The following ZFAND5 variants were observed in gnomAD, a reference collection of about 807,000 sequenced individuals.
ZFAND5 encodes zinc finger AN1-type containing 5.
In ZFAND5, 4 loss-of-function variants were observed where a neutral mutation model predicts 23.6. That is an observed-to-expected ratio of 0.17 (90% CI 0.08 to 0.39). The LOEUF (loss-of-function observed/expected upper bound fraction) is 0.39. Among genes scored for constraint, ZFAND5 ranks in the 10% least tolerant of loss-of-function variants. ZFAND5 has a pLI of 1.00. For synonymous variants in ZFAND5, 68 were observed against 80.6 expected (o/e 0.84, Z 0.84); for missense variants, 161 against 253.7 (o/e 0.63, Z 2.48).
Position 72,355,835 on chromosome 9 carries a change from A to G in ZFAND5, c.*118T>C, listed in dbSNP as rs950773061. 1.1e-6 allele frequency: 1 copy of G among 912,458 alleles called. No individual in the cohort carries two copies. Among genetic ancestry groups the G allele is most frequent in the Non-Finnish European group, 1.6e-6 (1 of 616,194 alleles). The allele number at this position is 912,458 out of a possible 1,614,324, so 56.5% of individuals were successfully genotyped here. A position where few individuals can be genotyped will look rare whatever the true frequency, so the allele number is the denominator to read the frequency against. ...TAAAATATCAATTATAAGACAGACA[A>G]GTGTAATGTAAAACTCTGGAGAACA... On this transcript the variant is annotated 3_prime_UTR_variant, in exon 7 of 7. Coordinates refer to ENST00000376962, the MANE Select transcript of ZFAND5 (RefSeq NM_001102420.3).
At position 72,355,317 on chromosome 9, in the gene ZFAND5, T is replaced by C. The variant is rs1477068037; in HGVS notation, c.*636A>G. On this transcript the variant is annotated 3_prime_UTR_variant, in exon 7 of 7. Transcript: ENST00000376962. ...GTTATCTCAAGACCCTGTTGTTGGC[T>C]TGATGGTTTTACTTATAACCAGTTT... 6.6e-6 allele frequency: 1 copy of C among 152,666 alleles called. No individual in the cohort carries two copies. The highest frequency in any genetic ancestry group is 1.5e-5 in the Non-Finnish European group (1 of 68,060). The allele number at this position is 152,666 out of a possible 1,614,324, so 9.5% of individuals were successfully genotyped here.
At chr9:72,362,186 T>C (rs551439018) in intron 2 of ZFAND5, among the ~76,000 whole-genome samples, 11 of 152,352 alleles carry the variant, frequency 7.2e-5, no homozygotes, top group African/African-American at 2.2e-4. Context: ...CACTGTCTCT[T>C]TAAATATTAA....
In ZFAND5 at chr9:72,352,448, G is replaced by GAT. The variant is rs1314079269; in HGVS notation, c.*3503_*3504dup. 4 of 152,294 alleles carry GAT rather than the reference G, an allele frequency of 2.6e-5. No homozygotes were observed. The East Asian group carries it at 5.8e-4, about 22-fold the overall frequency. 9.4% of individuals were successfully genotyped at this position (152,294 alleles called of 1,614,324 possible). ...ATGTATGTGTGCCTTTGAAATGGAG[G>GAT]ATATGGGACAGCTTGAGAGGCTTTG... is the stretch of plus-strand genomic sequence containing the variant. On this transcript the variant is annotated 3_prime_UTR_variant, in exon 7 of 7. Coordinates refer to ENST00000376962, the MANE Select transcript of ZFAND5 (RefSeq NM_001102420.3).
chr9:72,364,437 G>T lies in ZFAND5; in HGVS notation c.-147+259C>A, dbSNP rs369018336. 120 of 1,266,738 alleles carry T rather than the reference G, an allele frequency of 9.5e-5. 1 individual carries two copies. In the East Asian group the frequency reaches 2.7e-3, roughly 28 times the overall value. 78.5% of individuals were successfully genotyped at this position (1,266,738 alleles called of 1,614,324 possible). A position where few individuals can be genotyped will look rare whatever the true frequency, so the allele number is the denominator to read the frequency against. ...GCCTAGAGGCCGGCCCCGCAGAGGC[G>T]GCACGCCGTGCATTGTTTCCCGACC... On this transcript the variant is annotated intron_variant, in intron 1 of 6. Coordinates refer to ENST00000376962, the MANE Select transcript of ZFAND5 (RefSeq NM_001102420.3).
Position 72,363,574 on chromosome 9 carries a change from T to A in ZFAND5, c.-114A>T, listed in dbSNP as rs1842163812. The stretch of plus-strand genomic sequence containing the variant: ...TCAGTTCCCTCTTTGCCAAATGGAG[T>A]AGAATTGACTTTTAAAGGCTCCTTT... On this transcript the variant is annotated 5_prime_UTR_variant, in exon 2 of 7. Coordinates refer to ENST00000376962, the MANE Select transcript of ZFAND5 (RefSeq NM_001102420.3). 1.1e-6 allele frequency: 1 copy of A among 946,918 alleles called. No individual in the cohort carries two copies. Among genetic ancestry groups the A allele is most frequent in the Non-Finnish European group, 1.3e-6 (1 of 794,896 alleles). 58.7% of individuals were successfully genotyped at this position (946,918 alleles called of 1,614,324 possible).
Position 72,355,593 on chromosome 9 carries a change from G to A in ZFAND5, c.*360C>T, listed in dbSNP as rs1841921382. ...ATACAGGCACATAACACTAGCCAAA[G>A]ATTATACCTTGATTACATTCCCAAA... On this transcript the variant is annotated 3_prime_UTR_variant, in exon 7 of 7. Transcript: ENST00000376962. The A allele has an allele frequency of 6.2e-6, 1 of 160,828 alleles. No homozygotes were observed. Among genetic ancestry groups the A allele is most frequent in the South Asian group, 1.8e-4 (1 of 5,580 alleles). The allele number at this position is 160,828 out of a possible 1,614,324, so 10.0% of individuals were successfully genotyped here.
intron 2 of ZFAND5, among the ~76,000 whole-genome samples, chr9:72,363,076 C>T (rs1275374227): frequency 6.6e-6 from 1 of 152,050 alleles, no homozygotes; most frequent in Admixed American, 6.5e-5. Flanking sequence ...ATAGTCAAAG[C>T]TAAAATGGTC....
chr9:72,356,418 C>A (rs1477064299), intron 6 of ZFAND5, among the ~76,000 whole-genome samples: 1 of 152,182 alleles, frequency 6.6e-6, no homozygotes, highest in Non-Finnish European at 1.5e-5. Flanking sequence ...GGGCTATCTG[C>A]CAGCTAATTT....
chr9:72,354,610 G>A lies in ZFAND5; in HGVS notation c.*1343C>T, dbSNP rs1407822336. On this transcript the variant is annotated 3_prime_UTR_variant, in exon 7 of 7. Coordinates refer to ENST00000376962, the MANE Select transcript of ZFAND5 (RefSeq NM_001102420.3). ...GGTACATAAAATTGAAAGCAAAACT[G>A]AATGCTTTAAGAATAAAAGTAAAAA... 1 of 152,586 alleles carries A rather than the reference G, an allele frequency of 6.6e-6. No homozygotes were observed. The highest frequency in any genetic ancestry group is 1.5e-5 in the Non-Finnish European group (1 of 68,036). The allele number at this position is 152,586 out of a possible 1,614,324, so 9.5% of individuals were successfully genotyped here. A position where few individuals can be genotyped will look rare whatever the true frequency, so the allele number is the denominator to read the frequency against.
At chr9:72,356,131 A>G (rs751375825) in intron 6 of ZFAND5, 30 bp from the exon 7 acceptor site, 1 of 1,586,114 alleles carries the variant, frequency 6.3e-7, no homozygotes, top group Non-Finnish European at 8.5e-7. Context: ...GAGTCATTTG[A>G]GAACTTGAGG....
rs149244706 is a variant in ZFAND5, at chr9:72,352,562, A to G, written c.*3391T>C. 9.8e-5 allele frequency: 15 copies of G among 152,360 alleles called. No individual in the cohort carries two copies. The highest frequency in any genetic ancestry group is 3.6e-4 in the African/African-American group (15 of 41,584). The allele number at this position is 152,360 out of a possible 1,614,324, so 9.4% of individuals were successfully genotyped here. ...GTATGCTTAACATCTTGCTATTATT[A>G]GATTATTTCCCCAATTTTAGTTATT... On this transcript the variant is annotated 3_prime_UTR_variant, in exon 7 of 7. Transcript: ENST00000376962.
At chr9:72,359,330 C>T in intron 5 of ZFAND5, 88 bp downstream of exon 5, 1 of 1,312,898 alleles carries the variant, frequency 7.6e-7, no homozygotes, top group Non-Finnish European at 1.1e-6. Flanking sequence ...CCTCTTTGGT[C>T]CTTCAATGGG....
chr9:72,358,656 TAATAC>T (rs1181602756), intron 5 of ZFAND5, among the ~76,000 whole-genome samples: 1 of 152,128 alleles, frequency 6.6e-6, no homozygotes, highest in African/African-American at 2.4e-5. Context: ...TTTGTAAGAT[TAATAC>T]AATAAACAAA....
intron 5 of ZFAND5, among the ~76,000 whole-genome samples, chr9:72,358,525 C>T (rs1842007218): frequency 6.6e-6 from 1 of 151,958 alleles, no homozygotes; most frequent in Non-Finnish European, 1.5e-5. Flanking sequence ...AAACCAAAAC[C>T]AAAAACAAAA....
chr9:72,356,151 G>GA (rs749608269), intron 6 of ZFAND5, 50 bp from the exon 7 acceptor site: 50 of 1,569,452 alleles, frequency 3.2e-5, no homozygotes, highest in Non-Finnish European at 3.7e-5. Context: ...GCAATTAAAA[G>GA]AAAAAAAAGC....
In ZFAND5 at chr9:72,354,744, T is replaced by G. The variant is rs973953820; in HGVS notation, c.*1209A>C. The G allele has an allele frequency of 6.6e-6, 1 of 152,446 alleles. No homozygotes were observed. Among genetic ancestry groups the G allele is most frequent in the Non-Finnish European group, 1.5e-5 (1 of 68,034 alleles). The allele number at this position is 152,446 out of a possible 1,614,324, so 9.4% of individuals were successfully genotyped here. A position where few individuals can be genotyped will look rare whatever the true frequency, so the allele number is the denominator to read the frequency against. ...AACACTAACTATACTCATTTATATA[T>G]AAAAAACACAAGTTTCATACATCAC... On this transcript the variant is annotated 3_prime_UTR_variant, in exon 7 of 7. Coordinates refer to ENST00000376962, the MANE Select transcript of ZFAND5 (RefSeq NM_001102420.3).
At chr9:72,356,224 CT>C in intron 6 of ZFAND5, 123 bp from the exon 7 acceptor site, 1 of 1,194,410 alleles carries the variant, frequency 8.4e-7, no homozygotes, top group Non-Finnish European at 1.2e-6. Context: ...ACAGTGAACT[CT>C]TTTCTTCCAC....
At chr9:72,360,384 C>A in intron 3 of ZFAND5, 163 bp from the exon 4 acceptor site, 1 of 826,636 alleles carries the variant, frequency 1.2e-6, no homozygotes, top group Non-Finnish European at 1.9e-6. Context: ...ATTAAAAAGT[C>A]AATCCAATGA....
chr9:72,358,254 A>G (rs897632624), intron 5 of ZFAND5, among the ~76,000 whole-genome samples: 3 of 152,116 alleles, frequency 2.0e-5, no homozygotes, highest in African/African-American at 7.2e-5. Flanking sequence ...TGACAACATT[A>G]ATGTTTATCC....
Sources: allele counts gnomAD v4.1 joint callset (sites outside exome capture counted in the v4.1 genomes callset), GRCh38; gene constraint gnomAD v4.1.1; transcripts MANE v1.5; gene names NCBI Gene and HGNC (gene_info 2026-07-23, HGNC 2026-07-21).